Variants in SPTAN1 observed in about 807,000 individuals in gnomAD.
The protein encoded by SPTAN1 is spectrin alpha chain, non-erythrocytic 1.
Under a neutral mutation model 331.3 loss-of-function variants are expected in SPTAN1, and 61 were observed. The observed-to-expected ratio is 0.18, with a 90% CI of 0.15 to 0.23. The LOEUF (loss-of-function observed/expected upper bound fraction) is 0.23, where lower values mean the gene tolerates loss of function less well. Among genes scored for constraint, SPTAN1 ranks in the 10% least tolerant of loss-of-function variants. The pLI, the probability that SPTAN1 is intolerant of heterozygous loss-of-function variation, is 1.00. For missense variants in SPTAN1, 2,043 were observed against 3,147.9 expected (o/e 0.65, Z 8.40); for synonymous variants, 1,153 against 1,173.9 (o/e 0.98, Z 0.36).
intron 20 of SPTAN1, 64 bp from the exon 21 acceptor site, chr9:128,588,745 C>G: frequency 4.4e-6 from 7 of 1,607,902 alleles, no homozygotes; most frequent in Non-Finnish European, 5.1e-6. Flanking sequence ...TGAATCTGCT[C>G]TGTACTTAGA....
intron 24 of SPTAN1, among the ~76,000 whole-genome samples, chr9:128,594,647 G>A (rs927336029): frequency 1.3e-5 from 2 of 151,526 alleles, no homozygotes; most frequent in Non-Finnish European, 2.9e-5. Context: ...GGCCAGACTG[G>A]TCTCAAACTC....
rs1851380436 is a variant in SPTAN1, at chr9:128,577,004, G to T, written c.785+48G>T. On this transcript the variant is annotated intron_variant, in intron 6 of 56. Coordinates refer to ENST00000372739, the MANE Select transcript of SPTAN1 (RefSeq NM_001130438.3). The surrounding 1 kb of genome is among the most constrained non-coding windows in gnomAD (Gnocchi z 4.2). The stretch of plus-strand genomic sequence containing the variant: ...GGGGAATGGGTCTCAACCTGGAGGG[G>T]AGTTGTGAAGCACAGGGCATGTGCT... 3.7e-6 allele frequency: 6 copies of T among 1,614,014 alleles called. No homozygotes were observed. In the East Asian group the frequency reaches 6.7e-5, roughly 18 times the overall value.
intron 20 of SPTAN1, among the ~76,000 whole-genome samples, chr9:128,588,601 G>A (rs192317563): frequency 1.8e-4 from 27 of 152,130 alleles, no homozygotes; most frequent in Middle Eastern, 3.4e-3. Flanking sequence ...ATGAGCCACC[G>A]TGCCCAGACA....
At chr9:128,604,203 G>T (rs1282039195) in intron 28 of SPTAN1, 123 bp from the exon 29 acceptor site, 1 of 1,009,484 alleles carries the variant, frequency 9.9e-7, no homozygotes, top group Non-Finnish European at 1.5e-6. Flanking sequence ...AGCGAGGAAG[G>T]TTGGAAACAG....
At chr9:128,584,968 C>T in intron 18 of SPTAN1, 125 bp downstream of exon 18, 2 of 1,172,402 alleles carry the variant, frequency 1.7e-6, no homozygotes, top group Non-Finnish European at 2.5e-6. Flanking sequence ...CCATTCTTTC[C>T]TAACTGTATG....
Position 128,566,812 on chromosome 9 carries a change from C to G in SPTAN1, c.72C>G (p.Asp24Glu). ...DIQERRQQVL[D>E]RYHRFKELST... The stretch of plus-strand genomic sequence containing the variant: ...AGGAGAGGCGGCAGCAGGTCCTAGA[C>G]CGATACCACCGCTTCAAGGAACTCT... The change falls in exon 2 of 57, where the codon GAC (aspartate) becomes GAG (glutamate). Residue 24 changes from aspartate to glutamate, a missense_variant. Transcript: ENST00000372739. 6.2e-7 allele frequency: 1 copy of G among 1,614,172 alleles called. No homozygotes were observed. The highest frequency in any genetic ancestry group is 8.5e-7 in the Non-Finnish European group (1 of 1,180,044).
At chr9:128,554,733 C>A (rs1848459117) in intron 1 of SPTAN1, among the ~76,000 whole-genome samples, 2 of 152,328 alleles carry the variant, frequency 1.3e-5, no homozygotes, top group African/African-American at 4.8e-5. Flanking sequence ...AATGCTGACT[C>A]CAGGAATGCG....
At chr9:128,631,079 C>T (rs1360179144) in intron 52 of SPTAN1, among the ~76,000 whole-genome samples, 1 of 152,004 alleles carries the variant, frequency 6.6e-6, no homozygotes, top group African/African-American at 2.4e-5. Flanking sequence ...TCCTGATCTC[C>T]AGTGATCTGT....
At position 128,609,200 on chromosome 9, in the gene SPTAN1, G is replaced by A. The variant is rs1554758298; in HGVS notation, c.4674G>A (p.Arg1558=). The A allele has an allele frequency of 1.2e-6, 2 of 1,614,222 alleles. No individual in the cohort carries two copies. ...CTCAAACCCTCCAACAGTTCAGCCG[G>A]GATGTGGATGAGATTGAGGCTTGGA... ...GESQTLQQFS[R]DVDEIEAWIS... is the part of the protein sequence containing the mutation. Residue 1558 remains arginine (R), a synonymous_variant, in exon 36 of 57, where the codon CGG becomes CGA. Coordinates refer to ENST00000372739, the MANE Select transcript of SPTAN1 (RefSeq NM_001130438.3).
At chr9:128,621,064 G>A (rs1857786284) in intron 44 of SPTAN1, 94 bp from the exon 45 acceptor site, 5 of 970,638 alleles carry the variant, frequency 5.2e-6, no homozygotes, top group Non-Finnish European at 8.4e-6. Context: ...GCATGGACAG[G>A]GACCATAGCA....
intron 20 of SPTAN1, among the ~76,000 whole-genome samples, chr9:128,588,290 C>T (rs562573656): frequency 2.7e-5 from 4 of 149,784 alleles, no homozygotes; most frequent in African/African-American, 7.4e-5. Context: ...GCACTGTGCC[C>T]GGCCCTACTT....
In SPTAN1 at chr9:128,598,706, G is replaced by T. The variant is rs145853891; in HGVS notation, c.3519+202G>T. On this transcript the variant is annotated intron_variant, in intron 25 of 56. Transcript: ENST00000372739. ...CTCACTTTCACTTGGTTTGGAGGGGGGTGGGGGCTTCTGTCTTCTCCGTAA... is the reference window on the plus strand; with the variant it reads ...CTCACTTTCACTTGGTTTGGAGGGGTGTGGGGGCTTCTGTCTTCTCCGTAA... The T allele has an allele frequency of 6.2e-5, 41 of 659,618 alleles. No homozygotes were observed. The African/African-American group carries it at 6.5e-4, about 10-fold the overall frequency. The allele number at this position is 659,618 out of a possible 1,614,324, so 40.9% of individuals were successfully genotyped here.
Position 128,625,649 on chromosome 9 carries a change from T to C in SPTAN1, c.6070-120T>C. On this transcript the variant is annotated intron_variant, in intron 47 of 56. Transcript: ENST00000372739. The surrounding 1 kb of genome is among the most constrained non-coding windows in gnomAD (Gnocchi z 4.1). The stretch of plus-strand genomic sequence containing the variant: ...GGCATGTGTGACTGAGTCTCAGCAG[T>C]GTCCAGGTGGACAGTTTGGCTTGGG... 1 of 905,994 alleles carries C rather than the reference T, an allele frequency of 1.1e-6. No homozygotes were observed. Among genetic ancestry groups the C allele is most frequent in the Non-Finnish European group, 1.8e-6 (1 of 552,334 alleles). The allele number at this position is 905,994 out of a possible 1,614,324, so 56.1% of individuals were successfully genotyped here.
rs548416338 is a variant in SPTAN1 at position 128,570,907 on chromosome 9, C to T, written c.363+2010C>T. 7.9e-5 allele frequency among the ~76,000 whole-genome samples: 12 copies of T among 152,094 alleles called. No individual in the cohort carries two copies. In the South Asian group the frequency reaches 1.9e-3, roughly 24 times the overall value. On this transcript the variant is annotated intron_variant, in intron 3 of 56. Coordinates refer to ENST00000372739, the MANE Select transcript of SPTAN1 (RefSeq NM_001130438.3). ...AACTCCCAACCTCAGGTGATCTGCC[C>T]GCCTTGGCCTCCCAAAGTGCTGCGA...
intron 21 of SPTAN1, among the ~76,000 whole-genome samples, chr9:128,589,614 C>T (rs534670019): frequency 1.5e-4 from 20 of 132,578 alleles, no homozygotes; most frequent in Non-Finnish European, 2.6e-4. Context: ...CTTGCTCTGT[C>T]GTCCAGGTTG....
rs76531514 is a variant in SPTAN1 at position 128,583,375 on chromosome 9, A to G, written c.2011+94A>G. 7,791 of 1,277,912 alleles carry G rather than the reference A, an allele frequency of 6.1e-3. 342 individuals are homozygous for G. In the African/African-American group the frequency reaches 0.097, roughly 16 times the overall value. The allele number at this position is 1,277,912 out of a possible 1,614,324, so 79.2% of individuals were successfully genotyped here. Reference sequence around the variant, plus strand: ...TTTAGGGACATATACCCCCCAAGAAAGGTGAGGTGGATGACTTTGGCGTTA... The same window carrying G: ...TTTAGGGACATATACCCCCCAAGAAGGGTGAGGTGGATGACTTTGGCGTTA... On this transcript the variant is annotated intron_variant, in intron 15 of 56. Coordinates refer to ENST00000372739, the MANE Select transcript of SPTAN1 (RefSeq NM_001130438.3).
Position 128,608,277 on chromosome 9 carries a change from G to C in SPTAN1, c.4491+1G>C. ...CTTTGACAAAGCGATTAACGTCCAG[G>C]TGAGGCCTCTGGACCATGGAGTTGG... On this transcript the variant is annotated splice_donor_variant, in intron 34 of 56. Transcript: ENST00000372739. LOFTEE classifies it high-confidence loss of function. 1 of 1,614,150 alleles carries C rather than the reference G, an allele frequency of 6.2e-7. No homozygotes were observed. The highest frequency in any genetic ancestry group is 8.5e-7 in the Non-Finnish European group (1 of 1,180,032).
At chr9:128,620,469 C>T (rs952824681) in intron 44 of SPTAN1, among the ~76,000 whole-genome samples, 2 of 152,206 alleles carry the variant, frequency 1.3e-5, no homozygotes. Flanking sequence ...GTAATCCCAG[C>T]ACTTTGGGAG....
chr9:128,613,885 A>G (rs1271753435), intron 40 of SPTAN1, among the ~76,000 whole-genome samples: 1 of 152,030 alleles, frequency 6.6e-6, no homozygotes, highest in Non-Finnish European at 1.5e-5. Flanking sequence ...GCTGCCTGTA[A>G]TCCCAGGTAC....
Sources: gnomAD v4.1 joint callset for allele counts (sites outside exome capture counted in the v4.1 genomes callset) on GRCh38, gnomAD v4.1.1 for gene constraint, Gnocchi (gnomAD v3.1) non-coding constraint, MANE v1.5 for transcripts, NCBI Gene and HGNC (gene_info 2026-07-23, HGNC 2026-07-21) for gene names.